PCDH15: variants seen among roughly 807,000 people sequenced by gnomAD.
PCDH15 encodes protocadherin-15.
Under a neutral mutation model 178.5 loss-of-function variants are expected in PCDH15, and 129 were observed. The observed-to-expected ratio is 0.72, with a 90% CI of 0.63 to 0.84. The LOEUF (loss-of-function observed/expected upper bound fraction) is 0.84, where lower values mean the gene tolerates loss of function less well. Among genes scored for constraint, PCDH15 ranks in the 40% least tolerant of loss-of-function variants. PCDH15 has a pLI of 0.00. For synonymous variants in PCDH15, 800 were observed against 732.0 expected, an observed-to-expected ratio of 1.09 and a Z score of -1.50; for missense variants, 2,230 against 2,099.9, an observed-to-expected ratio of 1.06 and a Z score of -1.21.
rs778307616 is a variant in PCDH15, at chr10:55,437,832, C to CTTT, written c.-156+189790_-156+189792dup. 5.9e-3 allele frequency among the ~76,000 whole-genome samples: 499 copies of CTTT among 85,124 alleles called. 14 individuals are homozygous for CTTT. Among genetic ancestry groups the CTTT allele is most frequent in the Non-Finnish European group, 7.7e-3 (351 of 45,456 alleles). The allele number at this position is 85,124 out of a possible 152,430, so 55.8% of individuals were successfully genotyped here. On this transcript the variant is annotated intron_variant, in intron 2 of 5. Coordinates refer to the PCDH15 transcript ENST00000613346. ...CCAAATTGTCTTTCTTATTGCTTTTCTTTTTTTTTTTTTTTTTTTTTTCAG... is the reference window on the plus strand; with the variant it reads ...CCAAATTGTCTTTCTTATTGCTTTTCTTTTTTTTTTTTTTTTTTTTTTTTTCAG...
chr10:55,192,410 T>G (rs780490369), intron 1 of PCDH15, among the ~76,000 whole-genome samples: 1 of 151,856 alleles, frequency 6.6e-6, no homozygotes, highest in Non-Finnish European at 1.5e-5. Flanking sequence ...AAAAAGTTAT[T>G]TCTCTCTCTG....
intron 28 of PCDH15, among the ~76,000 whole-genome samples, chr10:53,852,325 A>C (rs2078439177): frequency 1.3e-5 from 2 of 152,148 alleles, no homozygotes; most frequent in South Asian, 4.1e-4. Flanking sequence ...AAAGAGGTGA[A>C]TTCTAAGATC....
chr10:54,148,790 C>G (rs1030161457), intron 14 of PCDH15, among the ~76,000 whole-genome samples: 2 of 151,832 alleles, frequency 1.3e-5, no homozygotes, highest in Non-Finnish European at 2.9e-5. Context: ...ATACCCAGTT[C>G]AAAACATTAG....
chr10:55,117,532 A>G (rs191344262), intron 2 of PCDH15, among the ~76,000 whole-genome samples: 6 of 152,308 alleles, frequency 3.9e-5, no homozygotes, highest in Non-Finnish European at 8.8e-5. Context: ...TAGGGAATGT[A>G]AAAAGTCCAT....
chr10:54,346,997 C>A (rs1159423621), intron 5 of PCDH15, among the ~76,000 whole-genome samples: 2 of 152,086 alleles, frequency 1.3e-5, no homozygotes, highest in African/African-American at 4.8e-5. Flanking sequence ...TTTCTTGAGT[C>A]CTTCTGATAT....
intron 15 of PCDH15, among the ~76,000 whole-genome samples, chr10:54,124,553 T>C (rs2041830164): frequency 6.6e-6 from 1 of 152,190 alleles, no homozygotes; most frequent in African/African-American, 2.4e-5. Context: ...AAAAAGGGCA[T>C]TGCCATGAAA....
chr10:54,182,029 T>TTCTTGGC (rs2048030336), intron 13 of PCDH15, among the ~76,000 whole-genome samples: 1 of 152,062 alleles, frequency 6.6e-6, no homozygotes, highest in African/African-American at 2.4e-5. Context: ...GCCATCTTGG[T>TTCTTGGC]TCACTGCAAT....
chr10:54,783,809 C>A (rs1293582402), intron 1 of PCDH15, among the ~76,000 whole-genome samples: 1 of 152,118 alleles, frequency 6.6e-6, no homozygotes, highest in Non-Finnish European at 1.5e-5. Flanking sequence ...ATCTTCACCA[C>A]TCAAGTGATG....
intron 8 of PCDH15, among the ~76,000 whole-genome samples, chr10:54,312,819 T>G (rs1316654383): frequency 2.6e-5 from 4 of 152,124 alleles, no homozygotes; most frequent in Non-Finnish European, 5.9e-5. Context: ...GTGAGCAAAT[T>G]AAATGATTGT....
chr10:54,874,898 T>C (rs1308264282), intron 3 of PCDH15, among the ~76,000 whole-genome samples: 6 of 152,184 alleles, frequency 3.9e-5, no homozygotes. Context: ...AGAAATCTCA[T>C]TGTTTATTGG....
chr10:53,845,966 A>T (rs2077945510), intron 28 of PCDH15, among the ~76,000 whole-genome samples: 2 of 151,542 alleles, frequency 1.3e-5, no homozygotes, highest in South Asian at 4.2e-4. Context: ...ATGAATCCAA[A>T]TATCACATAT....
intron 7 of PCDH15, among the ~76,000 whole-genome samples, chr10:54,324,757 C>T (rs2061832109): frequency 6.6e-6 from 1 of 151,712 alleles, no homozygotes; most frequent in East Asian, 1.9e-4. Context: ...AGAGCAAAAC[C>T]CCATCTCAAA....
At position 54,051,688 on chromosome 10, in the gene PCDH15, C is replaced by CAAGCCTGCTGCAGAAATTT. The variant is rs1467029902; in HGVS notation, c.2220+15050_2220+15068dup. Among the ~76,000 whole-genome samples the CAAGCCTGCTGCAGAAATTT allele has an allele frequency of 2.6e-5, 4 of 152,164 alleles. 1 individual carries two copies. The highest frequency in any genetic ancestry group is 5.9e-5 in the Non-Finnish European group (4 of 68,036). On this transcript the variant is annotated intron_variant, in intron 18 of 37. Transcript: ENST00000644397. ...AAAACTCATTTTCTGGGGAGAAATT[C>CAAGCCTGCTGCAGAAATTT]AAGCCTGCTGCAGAAATTTGCATAG...
In PCDH15 at chr10:54,303,067, A is replaced by G. The variant is rs144854245; in HGVS notation, c.876+14204T>C. ...CTTTATTGAATAATGAGTCACTTCTATGTGTAATTTCCACTGCTAGTATGA... is the reference window on the plus strand; with the variant it reads ...CTTTATTGAATAATGAGTCACTTCTGTGTGTAATTTCCACTGCTAGTATGA... On this transcript the variant is annotated intron_variant, in intron 8 of 37. Coordinates refer to ENST00000644397, the MANE Select transcript of PCDH15 (RefSeq NM_001384140.1). 3.5e-4 allele frequency among the ~76,000 whole-genome samples: 54 copies of G among 152,288 alleles called. 2 individuals are homozygous for G. The East Asian group carries it at 0.01, about 28-fold the overall frequency.
rs372294767 is a variant in PCDH15, at chr10:54,853,287, G to GTATATATATATA, written c.-29+44162_-29+44163insTATATATATATA. Among the ~76,000 whole-genome samples the GTATATATATATA allele has an allele frequency of 6.9e-4, 39 of 56,548 alleles. 1 individual carries two copies. In the Middle Eastern group the frequency reaches 0.031, roughly 45 times the overall value. The allele number at this position is 56,548 out of a possible 152,430, so 37.1% of individuals were successfully genotyped here. The stretch of plus-strand genomic sequence containing the variant: ...AATATATATATATGTGTATGTATGT[G>GTATATATATATA]TGTATATATATATATATATATATAT... On this transcript the variant is annotated intron_variant, in intron 3 of 5. Coordinates refer to the PCDH15 transcript ENST00000458638.
intron 2 of PCDH15, among the ~76,000 whole-genome samples, chr10:55,101,491 T>A (rs1163563934): frequency 2.0e-5 from 3 of 151,794 alleles, no homozygotes; most frequent in Non-Finnish European, 4.4e-5. Flanking sequence ...CTCCAGCAAA[T>A]TCTCAGTCTG....
At chr10:55,039,027 A>T (rs973170848) in intron 2 of PCDH15, among the ~76,000 whole-genome samples, 3 of 152,102 alleles carry the variant, frequency 2.0e-5, no homozygotes, top group Non-Finnish European at 2.9e-5. Context: ...AAATGTGGTT[A>T]TCTTTTAAAA....
chr10:55,624,638 T>A (rs1043914069), intron 2 of PCDH15, among the ~76,000 whole-genome samples: 1 of 152,158 alleles, frequency 6.6e-6, no homozygotes, highest in African/African-American at 2.4e-5. Flanking sequence ...TAGCACTGTA[T>A]ATGAAAATAG....
chr10:54,713,206 A>G (rs2095443452), intron 1 of PCDH15, among the ~76,000 whole-genome samples: 1 of 149,708 alleles, frequency 6.7e-6, no homozygotes, highest in African/African-American at 2.4e-5. Flanking sequence ...GAATGAAGTT[A>G]AAACACACAC....
Sources: gnomAD v4.1 joint callset for allele counts (sites outside exome capture counted in the v4.1 genomes callset) on GRCh38, gnomAD v4.1.1 for gene constraint, MANE v1.5 for transcripts, NCBI Gene and HGNC (gene_info 2026-07-23, HGNC 2026-07-21) for gene names.